The following GORAB variants were observed in gnomAD, a reference collection of about 807,000 sequenced individuals.
GORAB encodes RAB6-interacting golgin.
In GORAB, 17 loss-of-function variants were observed where a neutral mutation model predicts 29.9. That is an observed-to-expected ratio of 0.57 (90% confidence interval 0.39 to 0.85). The LOEUF (loss-of-function observed/expected upper bound fraction) is 0.85. GORAB is among the 40% of genes least tolerant of loss of function. The probability of loss-of-function intolerance (pLI) is 0.00; values close to 1 mark genes in which losing one functional copy is unlikely to be tolerated. For missense variants in GORAB, 442 were observed against 437.8 expected (o/e 1.01, Z -0.09); for synonymous variants, 183 against 157.2 (o/e 1.16, Z -1.23).
chr1:170,534,680 A>C (rs1323776167), intron 1 of GORAB, among the ~76,000 whole-genome samples: 1 of 152,178 alleles, frequency 6.6e-6, no homozygotes, highest in Non-Finnish European at 1.5e-5. Context: ...GTATAGTGAC[A>C]TACTGTACAG....
In GORAB at chr1:170,553,526, TA is replaced by T. The variant is rs201768641; in HGVS notation, c.*1071del. Reference sequence around the variant, plus strand: ...ATTACCTTTGAGGACTTTTTTTTTTTAAAAAAAGAATTATTATCAGAGAACA... The same window carrying T: ...ATTACCTTTGAGGACTTTTTTTTTTTAAAAAAGAATTATTATCAGAGAACA... On this transcript the variant is annotated 3_prime_UTR_variant, in exon 5 of 5. Transcript: ENST00000367763. 4.7e-5 allele frequency: 20 copies of T among 422,006 alleles called. No homozygotes were observed. Among genetic ancestry groups the T allele is most frequent in the African/African-American group, 1.5e-4 (7 of 47,368 alleles). 26.1% of individuals were successfully genotyped at this position (422,006 alleles called of 1,614,324 possible). A position where few individuals can be genotyped will look rare whatever the true frequency, so the allele number is the denominator to read the frequency against.
intron 4 of GORAB, chr1:170,545,600 G>T: frequency 1.0e-6 from 1 of 985,242 alleles, no homozygotes; most frequent in Non-Finnish European, 1.2e-6. Flanking sequence ...AATCATCCTG[G>T]TTTGTCTTTT....
At chr1:170,549,079 A>C (rs1006052267) in intron 4 of GORAB, among the ~76,000 whole-genome samples, 80 of 152,340 alleles carry the variant, frequency 5.3e-4, no homozygotes, top group Non-Finnish European at 3.4e-4. Flanking sequence ...GAGTTTTTAA[A>C]CATTTCAGGG....
rs147691146 is a variant in GORAB at position 170,542,505 on chromosome 1, G to T, written c.434G>T (p.Arg145Leu). Residue 145 changes from arginine (R) to leucine (L), a missense_variant, in exon 3 of 5, where the codon CGT (arginine) becomes CTT (leucine). Coordinates refer to ENST00000367763, the MANE Select transcript of GORAB (RefSeq NM_152281.3). ...TTGCCCCCTAGGCAAGAAAAATCTC[G>T]TTGGGAAGTCCTCCAACAAGAACAA... ...KKKVELQEKS[R>L]WEVLQQEQRL... The T allele has an allele frequency of 1.2e-6, 2 of 1,613,246 alleles. No homozygotes were observed. Among genetic ancestry groups the T allele is most frequent in the Non-Finnish European group, 1.7e-6 (2 of 1,179,418 alleles).
At chr1:170,539,997 G>C (rs1441338093) in intron 2 of GORAB, among the ~76,000 whole-genome samples, 1 of 144,734 alleles carries the variant, frequency 6.9e-6, no homozygotes, top group Non-Finnish European at 1.5e-5. Flanking sequence ...ATGGAGTCTC[G>C]CTCTGTTGCC....
In GORAB at chr1:170,552,416, G is replaced by A; in HGVS notation, c.1064G>A (p.Cys355Tyr). 6.2e-7 allele frequency: 1 copy of A among 1,614,014 alleles called. No homozygotes were observed. The highest frequency in any genetic ancestry group is 8.5e-7 in the Non-Finnish European group (1 of 1,179,936). ...SSSIPFLSPN[C>Y]PNQEGNDISA... is the part of the protein sequence containing the mutation. ...AGCATCCCCTTTCTTAGTCCAAACT[G>A]CCCAAATCAAGAAGGTAATGACATT... Residue 355 changes from cysteine (C) to tyrosine (Y), a missense_variant, in exon 5 of 5, where the codon TGC becomes TAC. Coordinates refer to ENST00000367763, the MANE Select transcript of GORAB (RefSeq NM_152281.3).
At chr1:170,546,256 G>C (rs1395670851) in intron 4 of GORAB, among the ~76,000 whole-genome samples, 3 of 152,080 alleles carry the variant, frequency 2.0e-5, no homozygotes, top group Non-Finnish European at 4.4e-5. Flanking sequence ...TGGGCGTGGT[G>C]GTGGGCGCCT....
chr1:170,547,099 T>C (rs1294782076), intron 4 of GORAB, among the ~76,000 whole-genome samples: 1 of 152,228 alleles, frequency 6.6e-6, no homozygotes, highest in African/African-American at 2.4e-5. Flanking sequence ...GGTATTATTT[T>C]CTAAACTTGC....
At chr1:170,548,316 T>C (rs2101831095) in intron 4 of GORAB, among the ~76,000 whole-genome samples, 1 of 150,518 alleles carries the variant, frequency 6.6e-6, no homozygotes, top group Non-Finnish European at 1.5e-5. Flanking sequence ...GTGATTACAC[T>C]TAGGGTCCAG....
chr1:170,545,786 G>A (rs995533466), intron 4 of GORAB: 33 of 972,970 alleles, frequency 3.4e-5, no homozygotes, highest in Non-Finnish European at 3.7e-5. Context: ...GAGTGTTTAA[G>A]AAAGAGTCTT....
intron 4 of GORAB, chr1:170,545,327 A>T (rs935501327): frequency 1.0e-6 from 1 of 972,304 alleles, no homozygotes; most frequent in Non-Finnish European, 1.2e-6. Flanking sequence ...TTAAAAGCTT[A>T]TGAATATTTT....
chr1:170,537,788 C>T (rs1450902832), intron 1 of GORAB, among the ~76,000 whole-genome samples: 2 of 151,212 alleles, frequency 1.3e-5, no homozygotes, highest in African/African-American at 4.9e-5. Flanking sequence ...TTTAAGTGGC[C>T]TGATTTGCTT....
Position 170,533,615 on chromosome 1 carries a change from A to G in GORAB, c.61+1331A>G, listed in dbSNP as rs191152625. ...ATTGGATGGAGCTTGGGAAGATTTC[A>G]CAAAGTTTGTGTGTTAGCAGAGGCG... On this transcript the variant is annotated intron_variant, in intron 1 of 4. Transcript: ENST00000367763. 1.0e-4 allele frequency: 45 copies of G among 450,536 alleles called. 1 individual carries two copies. The East Asian group carries it at 2.8e-3, about 28-fold the overall frequency. 27.9% of individuals were successfully genotyped at this position (450,536 alleles called of 1,614,324 possible).
chr1:170,539,547 G>A lies in GORAB; in HGVS notation c.399G>A (p.Leu133=). 1.2e-6 allele frequency: 2 copies of A among 1,613,922 alleles called. No individual in the cohort carries two copies. The highest frequency in any genetic ancestry group is 3.3e-4 in the Middle Eastern group (2 of 6,062). The part of the protein sequence containing the change: ...EILPPKPDCK[L]EKKKVELQEK... ...TACCTCCAAAGCCAGATTGCAAATT[G>A]GAGAAAAAGAAAGTGGAATTGTTAG... The change falls in exon 2 of 5, where the codon TTG becomes TTA. Residue 133 remains leucine (L), a synonymous_variant. Transcript: ENST00000367763.
chr1:170,535,304 C>A (rs1027359378), intron 1 of GORAB, among the ~76,000 whole-genome samples: 1 of 152,146 alleles, frequency 6.6e-6, no homozygotes, highest in Non-Finnish European at 1.5e-5. Context: ...TCTTTTTAAT[C>A]ATATAGGTTG....
chr1:170,539,620 T>C (rs769276668), intron 2 of GORAB, 53 bp downstream of exon 2: 2 of 1,575,296 alleles, frequency 1.3e-6, no homozygotes, highest in South Asian at 2.3e-5. Context: ...ACCCGTTTTT[T>C]CCCAATGGGC....
intron 4 of GORAB, chr1:170,545,515 T>A (rs1003770388): frequency 6.3e-5 from 62 of 984,614 alleles, no homozygotes; most frequent in Non-Finnish European, 7.2e-5. Flanking sequence ...ATGAATTACA[T>A]GGACTTTGCA....
At chr1:170,532,657 G>A in intron 1 of GORAB, 1 of 264,220 alleles carries the variant, frequency 3.8e-6, no homozygotes, top group Non-Finnish European at 7.5e-6. Flanking sequence ...AAGGAGGAGG[G>A]GCGCACACCG....
chr1:170,538,777 G>A (rs1212611766), intron 1 of GORAB, among the ~76,000 whole-genome samples: 1 of 152,086 alleles, frequency 6.6e-6, no homozygotes, highest in Non-Finnish European at 1.5e-5. Context: ...TTTAAGAGAG[G>A]GTAATCCCAT....
Sources: allele counts gnomAD v4.1 joint callset (sites outside exome capture counted in the v4.1 genomes callset), GRCh38; gene constraint gnomAD v4.1.1; transcripts MANE v1.5; gene names NCBI Gene and HGNC (gene_info 2026-07-23, HGNC 2026-07-21).